TP63: variants seen among roughly 807,000 people sequenced by gnomAD.
TP63 encodes the protein tumor protein p63, also known as tumor protein 63.
In TP63, 17 loss-of-function variants were observed where a neutral mutation model predicts 82.8. That is an observed-to-expected ratio of 0.21 (90% CI 0.14 to 0.31). The LOEUF (loss-of-function observed/expected upper bound fraction) is 0.31. TP63 is among the 10% of genes least tolerant of loss of function. The pLI is 1.00. For synonymous variants in TP63, 330 were observed against 321.7 expected, an observed-to-expected ratio of 1.03 and a Z score of -0.28; for missense variants, 648 against 895.3, an observed-to-expected ratio of 0.72 and a Z score of 3.52.
intron 1 of TP63, among the ~76,000 whole-genome samples, chr3:189,734,538 G>C (rs570742217): frequency 2.0e-5 from 3 of 152,064 alleles, no homozygotes; most frequent in Non-Finnish European, 4.4e-5. Context: ...TCACTTAACT[G>C]TGTAGGTTGG....
chr3:189,625,288 T>C, the TP63 span, among the ~76,000 whole-genome samples: 2 of 152,166 alleles, frequency 1.3e-5, no homozygotes, highest in African/African-American at 4.8e-5. Context: ...ATTCCTGATA[T>C]GATGCACTGA....
At chr3:189,810,022 T>G (rs1727356562) in intron 4 of TP63, among the ~76,000 whole-genome samples, 2 of 152,342 alleles carry the variant, frequency 1.3e-5, no homozygotes, top group Admixed American at 1.3e-4. Context: ...AAATTAATGT[T>G]ATTTTAGTTC....
At chr3:189,789,469 T>C (rs181368179) in intron 3 of TP63, among the ~76,000 whole-genome samples, 121 of 151,944 alleles carry the variant, frequency 8.0e-4, no homozygotes, top group East Asian at 7.6e-3. Context: ...TTTGTTTTTT[T>C]TTTCTTTCTT....
intron 3 of TP63, among the ~76,000 whole-genome samples, chr3:189,747,098 A>G (rs1017345196): frequency 3.9e-5 from 6 of 152,116 alleles, no homozygotes; most frequent in Non-Finnish European, 5.9e-5. Flanking sequence ...ACCCATGTAT[A>G]TAAAGCATAT....
At chr3:189,881,538 A>T in intron 10 of TP63, 2 of 984,396 alleles carry the variant, frequency 2.0e-6, no homozygotes, top group Non-Finnish European at 2.4e-6. Context: ...CTTTTTTTCC[A>T]CTAAATACTA....
intron 1 of TP63, among the ~76,000 whole-genome samples, chr3:189,730,454 G>A (rs1034355589): frequency 2.6e-5 from 4 of 152,160 alleles, no homozygotes; most frequent in Admixed American, 1.3e-4. Context: ...TCTTAACTAT[G>A]AAAACTTCAT....
At chr3:189,852,168 A>G (rs1204192127) in intron 4 of TP63, among the ~76,000 whole-genome samples, 1 of 152,240 alleles carries the variant, frequency 6.6e-6, no homozygotes, top group Non-Finnish European at 1.5e-5. Flanking sequence ...AATGATGCCC[A>G]CAGTTGTTGG....
chr3:189,703,368 G>A lies in TP63; in HGVS notation c.63-34372G>A, dbSNP rs535318691. ...AGGAGACTGGGAGGTGGAGATTGTA[G>A]TGAGCCAAGATCGTGCCACTGCACT... On this transcript the variant is annotated intron_variant, in intron 1 of 13. Coordinates refer to ENST00000264731, the MANE Select transcript of TP63 (RefSeq NM_003722.5). 1.8e-4 allele frequency among the ~76,000 whole-genome samples: 27 copies of A among 152,044 alleles called. 1 individual carries two copies. Among genetic ancestry groups the A allele is most frequent in the Non-Finnish European group, 3.5e-4 (24 of 68,028 alleles).
At chr3:189,719,085 A>C (rs1719178606) in intron 1 of TP63, among the ~76,000 whole-genome samples, 1 of 152,112 alleles carries the variant, frequency 6.6e-6, no homozygotes, top group Admixed American at 6.5e-5. Flanking sequence ...AGAGGAAAAT[A>C]GCAGCAAGAA....
At chr3:189,761,138 C>A (rs902726913) in intron 3 of TP63, among the ~76,000 whole-genome samples, 1 of 152,214 alleles carries the variant, frequency 6.6e-6, no homozygotes, top group Non-Finnish European at 1.5e-5. Context: ...TCCCTGGAAA[C>A]ATTTTCCCCA....
chr3:189,600,154 C>T, the TP63 span, among the ~76,000 whole-genome samples: 1 of 152,140 alleles, frequency 6.6e-6, no homozygotes, highest in Admixed American at 6.5e-5. Context: ...CACCAACCCC[C>T]AGAAGAGTTT....
intron 1 of TP63, among the ~76,000 whole-genome samples, chr3:189,720,054 C>G (rs1719264036): frequency 6.6e-6 from 1 of 152,178 alleles, no homozygotes. Context: ...ACAATCTATT[C>G]ATTTTTCCTC....
At chr3:189,651,388 A>G (rs1712873072) in intron 1 of TP63, among the ~76,000 whole-genome samples, 2 of 146,192 alleles carry the variant, frequency 1.4e-5, no homozygotes, top group South Asian at 2.2e-4. Flanking sequence ...TCTTCTAAAA[A>G]TACGAAAATT....
chr3:189,822,653 A>G (rs1728916084), intron 4 of TP63, among the ~76,000 whole-genome samples: 1 of 152,210 alleles, frequency 6.6e-6, no homozygotes, highest in Non-Finnish European at 1.5e-5. Context: ...TTGTTTCAGA[A>G]GCACAATTTT....
At chr3:189,869,010 A>G (rs968222366) in intron 8 of TP63, among the ~76,000 whole-genome samples, 10 of 145,852 alleles carry the variant, frequency 6.9e-5, no homozygotes, top group Admixed American at 5.6e-4. Context: ...CACCAGCAAG[A>G]TACGGGCTTT....
At chr3:189,813,696 C>A (rs1727841314) in intron 4 of TP63, among the ~76,000 whole-genome samples, 1 of 151,818 alleles carries the variant, frequency 6.6e-6, no homozygotes, top group Admixed American at 6.6e-5. Flanking sequence ...GTATCTTTCT[C>A]CTGTCATTGA....
At chr3:189,691,947 A>G (rs1331017034) in intron 1 of TP63, among the ~76,000 whole-genome samples, 3 of 152,216 alleles carry the variant, frequency 2.0e-5, no homozygotes, top group African/African-American at 7.2e-5. Flanking sequence ...TTTCAAGATC[A>G]AGCTTGTTAA....
At chr3:189,711,112 G>A (rs1407682458) in intron 1 of TP63, among the ~76,000 whole-genome samples, 1 of 152,188 alleles carries the variant, frequency 6.6e-6, no homozygotes, top group Non-Finnish European at 1.5e-5. Flanking sequence ...GTCATCTGTT[G>A]TCAGAGATAA....
At chr3:189,609,345 A>G in the TP63 span, among the ~76,000 whole-genome samples, 1 of 152,168 alleles carries the variant, frequency 6.6e-6, no homozygotes, top group Non-Finnish European at 1.5e-5. Context: ...GAATCAAACC[A>G]TGATGCTATC....
Sources: gnomAD v4.1 joint callset for allele counts (sites outside exome capture counted in the v4.1 genomes callset) on GRCh38, gnomAD v4.1.1 for gene constraint, MANE v1.5 for transcripts, NCBI Gene and HGNC (gene_info 2026-07-23, HGNC 2026-07-21) for gene names.